The following ROBO2 variants were observed in gnomAD, a reference collection of about 807,000 sequenced individuals.
ROBO2 encodes roundabout guidance receptor 2.
ROBO2 carries 53 observed loss-of-function variants against 160.8 expected under a neutral mutation model. The ratio of observed to expected loss-of-function variants is 0.33; its 90% CI spans 0.26 to 0.41. ROBO2 has a LOEUF of 0.41. ROBO2 is among the 10% of genes least tolerant of loss of function. ROBO2 has a pLI of 1.00. For missense variants in ROBO2, 1,577 were observed against 1,722.4 expected (o/e 0.92, Z 1.49); for synonymous variants, 664 against 611.7 (o/e 1.09, Z -1.26).
chr3:76,517,501 C>T lies in ROBO2; in HGVS notation c.109+579899C>T, dbSNP rs557404360. ...TAGAGAAGTTAAGTGACTTTTCCAG[C>T]GTCACATAGATGGCAGCAGTAGAGT... On this transcript the variant is annotated intron_variant, in intron 2 of 26. Transcript: ENST00000487694. 3.1e-4 allele frequency among the ~76,000 whole-genome samples: 47 copies of T among 152,188 alleles called. No homozygotes were observed. The South Asian group carries it at 9.3e-3, about 30-fold the overall frequency.
chr3:76,283,050 G>C (rs1466297992), intron 2 of ROBO2, among the ~76,000 whole-genome samples: 1 of 133,022 alleles, frequency 7.5e-6, no homozygotes, highest in Non-Finnish European at 1.6e-5. Flanking sequence ...TCTGAGCCAA[G>C]TTGTTTCATT....
chr3:76,025,598 A>G (rs540157610), intron 2 of ROBO2, among the ~76,000 whole-genome samples: 1 of 151,770 alleles, frequency 6.6e-6, no homozygotes, highest in Non-Finnish European at 1.5e-5. Context: ...AGGCTCAGAT[A>G]CAATAAAACT....
chr3:77,134,549 G>T (rs1241562977), intron 2 of ROBO2, among the ~76,000 whole-genome samples: 1 of 152,126 alleles, frequency 6.6e-6, no homozygotes, highest in Admixed American at 6.5e-5. Context: ...TCCAGTGTTG[G>T]CACAGACACA....
chr3:76,007,751 A>T (rs1240058757), intron 2 of ROBO2, among the ~76,000 whole-genome samples: 9 of 152,200 alleles, frequency 5.9e-5, no homozygotes, highest in Non-Finnish European at 1.2e-4. Context: ...AGACATGGAG[A>T]AATTTATTTC....
intron 2 of ROBO2, among the ~76,000 whole-genome samples, chr3:77,429,090 G>A (rs2078510254): frequency 2.0e-5 from 3 of 152,012 alleles, no homozygotes; most frequent in African/African-American, 4.8e-5. Context: ...TTAGAAACAT[G>A]ACAAAAAAGA....
chr3:77,436,154 T>G (rs1461824837), intron 2 of ROBO2, among the ~76,000 whole-genome samples: 1 of 142,192 alleles, frequency 7.0e-6, no homozygotes, highest in African/African-American at 2.9e-5. Context: ...ATTCCTGCAG[T>G]TTTTTTTACA....
intron 2 of ROBO2, among the ~76,000 whole-genome samples, chr3:76,900,639 T>C (rs1217630098): frequency 6.6e-6 from 1 of 152,198 alleles, no homozygotes. Flanking sequence ...CCAACGCTGC[T>C]AGACGATATG....
chr3:76,853,336 C>T (rs2069623001), intron 2 of ROBO2, among the ~76,000 whole-genome samples: 1 of 152,004 alleles, frequency 6.6e-6, no homozygotes, highest in Non-Finnish European at 1.5e-5. Context: ...AGAAAGTAAT[C>T]ACAAATTTCA....
intron 2 of ROBO2, among the ~76,000 whole-genome samples, chr3:76,903,835 T>A (rs2075400064): frequency 1.3e-5 from 2 of 152,314 alleles, no homozygotes; most frequent in Admixed American, 1.3e-4. Flanking sequence ...CTCCTTCAAA[T>A]ATTTTTCTAG....
At chr3:76,629,253 T>C (rs9836125) in intron 2 of ROBO2, among the ~76,000 whole-genome samples, 2,252 of 152,328 alleles carry the variant, frequency 0.015, 58 homozygotes, top group African/African-American at 0.05. Context: ...AACCAAAATA[T>C]AGTAACAATT....
intron 2 of ROBO2, among the ~76,000 whole-genome samples, chr3:76,251,207 G>C (rs559295702): frequency 3.9e-5 from 6 of 151,986 alleles, no homozygotes; most frequent in Admixed American, 1.3e-4. Flanking sequence ...CAGGGTGCAA[G>C]AGTTATTAAC....
intron 2 of ROBO2, among the ~76,000 whole-genome samples, chr3:76,330,211 T>G (rs2073375927): frequency 6.6e-6 from 1 of 152,152 alleles, no homozygotes; most frequent in Non-Finnish European, 1.5e-5. Context: ...ATTATGCAGA[T>G]TAGCAGGGGA....
At chr3:75,965,906 AT>A (rs1949093223) in intron 2 of ROBO2, among the ~76,000 whole-genome samples, 1 of 151,708 alleles carries the variant, frequency 6.6e-6, no homozygotes, top group Non-Finnish European at 1.5e-5. Flanking sequence ...ATCCAATTAA[AT>A]GGTATTTTGA....
At chr3:76,342,412 T>C (rs2074283371) in intron 2 of ROBO2, among the ~76,000 whole-genome samples, 1 of 152,086 alleles carries the variant, frequency 6.6e-6, no homozygotes, top group African/African-American at 2.4e-5. Flanking sequence ...CCAAGTCTTA[T>C]AGAAGCAACA....
intron 2 of ROBO2, among the ~76,000 whole-genome samples, chr3:77,355,406 G>A (rs1377574445): frequency 6.6e-6 from 1 of 152,158 alleles, no homozygotes; most frequent in Non-Finnish European, 1.5e-5. Context: ...GTTTTGAGTG[G>A]GGGAATGATA....
intron 1 of ROBO2, among the ~76,000 whole-genome samples, chr3:75,931,382 T>C (rs1490828152): frequency 6.6e-6 from 1 of 152,152 alleles, no homozygotes; most frequent in African/African-American, 2.4e-5. Flanking sequence ...GACAGGGTCT[T>C]TCTCTGTCAC....
chr3:76,334,782 G>A (rs1495574), intron 2 of ROBO2, among the ~76,000 whole-genome samples: 131,621 of 152,148 alleles, frequency 0.87, 58,384 homozygotes, highest in Non-Finnish European at 0.98. Flanking sequence ...GATTCTCAAG[G>A]TAGAGAAGCA....
intron 2 of ROBO2, among the ~76,000 whole-genome samples, chr3:76,838,280 T>C (rs1576963346): frequency 6.6e-6 from 1 of 152,016 alleles, no homozygotes; most frequent in Non-Finnish European, 1.5e-5. Context: ...AACCATTGGG[T>C]ATTGGCCTTA....
chr3:76,842,558 ATGAAG>A (rs1207365509), intron 2 of ROBO2, among the ~76,000 whole-genome samples: 1 of 152,194 alleles, frequency 6.6e-6, no homozygotes, highest in Non-Finnish European at 1.5e-5. Flanking sequence ...TTGTCCTTAT[ATGAAG>A]TATAAGCTTC....
Sources: allele counts gnomAD v4.1 joint callset (sites outside exome capture counted in the v4.1 genomes callset), GRCh38; gene constraint gnomAD v4.1.1; transcripts MANE v1.5; gene names NCBI Gene and HGNC (gene_info 2026-07-23, HGNC 2026-07-21).